Variants in YPEL1 observed in about 807,000 individuals in gnomAD.
YPEL1 encodes the protein yippee like 1.
In YPEL1, 7 loss-of-function variants were observed where a neutral mutation model predicts 17.3. The observed-to-expected ratio is 0.40, with a 90% confidence interval of 0.23 to 0.76. YPEL1 has a LOEUF of 0.76. Ranked by LOEUF, YPEL1 falls within the 30% of genes least tolerant of loss-of-function variation. The pLI is 0.35. For synonymous variants in YPEL1, 59 were observed against 59.6 expected, an observed-to-expected ratio of 0.99 and a Z score of 0.05; for missense variants, 91 against 155.5, an observed-to-expected ratio of 0.59 and a Z score of 2.21.
chr22:21,712,379 A>AAC (rs1555904122), intron 1 of YPEL1, among the ~76,000 whole-genome samples: 6 of 151,164 alleles, frequency 4.0e-5, no homozygotes, highest in African/African-American at 1.5e-4. Flanking sequence ...AAAAAAAAAA[A>AAC]AAAAAACAAC....
intron 1 of YPEL1, among the ~76,000 whole-genome samples, chr22:21,727,724 G>T (rs1163112550): frequency 6.6e-6 from 1 of 152,154 alleles, no homozygotes; most frequent in African/African-American, 2.4e-5. Flanking sequence ...TGCAGACTGG[G>T]GTGCCCCCTT....
chr22:21,722,738 C>G (rs1202230801), intron 1 of YPEL1, among the ~76,000 whole-genome samples: 1 of 152,128 alleles, frequency 6.6e-6, no homozygotes, highest in Non-Finnish European at 1.5e-5. Context: ...AGCCCCCACC[C>G]CACAGTCCGT....
chr22:21,724,564 AT>A (rs147417066), intron 1 of YPEL1, among the ~76,000 whole-genome samples: 20,779 of 124,674 alleles, frequency 0.17, 1,588 homozygotes, highest in Middle Eastern at 0.22. Flanking sequence ...TCATTAAAAA[AT>A]TTTTTTCTTT....
rs1601616892 is a variant in YPEL1 at position 21,697,678 on chromosome 22, TG to T, written c.*3450del. 6.5e-6 allele frequency: 1 copy of T among 152,706 alleles called. No homozygotes were observed. The highest frequency in any genetic ancestry group is 2.1e-4 in the South Asian group (1 of 4,830). The allele number at this position is 152,706 out of a possible 1,614,324, so 9.5% of individuals were successfully genotyped here. A position where few individuals can be genotyped will look rare whatever the true frequency, so the allele number is the denominator to read the frequency against. ...CCTGCTCCTTGCAGTGAAGCCACCATGGGTGACCGTCCAGCCTCACCCGGTG... is the reference window on the plus strand; with the variant it reads ...CCTGCTCCTTGCAGTGAAGCCACCATGGTGACCGTCCAGCCTCACCCGGTG... On this transcript the variant is annotated 3_prime_UTR_variant, in exon 5 of 5. Coordinates refer to ENST00000339468, the MANE Select transcript of YPEL1 (RefSeq NM_013313.5).
Position 21,703,319 on chromosome 22 carries a change from A to C in YPEL1, c.270+51T>G. The C allele has an allele frequency of 6.5e-7, 1 of 1,544,450 alleles. No homozygotes were observed. Among genetic ancestry groups the C allele is most frequent in the Non-Finnish European group, 8.9e-7 (1 of 1,120,676 alleles). On this transcript the variant is annotated intron_variant, in intron 4 of 4. Coordinates refer to ENST00000339468, the MANE Select transcript of YPEL1 (RefSeq NM_013313.5). The surrounding 1 kb of genome is among the most constrained non-coding windows in gnomAD (Gnocchi z 6.1). ...GCACGGGGAGGTGTGGCTCAGTGGC[A>C]ACTTAGTGCCACATCCCCTTGTGGC... is the stretch of plus-strand genomic sequence containing the variant.
chr22:21,705,922 G>T (rs1200870828), intron 2 of YPEL1, among the ~76,000 whole-genome samples: 1 of 152,056 alleles, frequency 6.6e-6, no homozygotes, highest in Admixed American at 6.6e-5. Flanking sequence ...CTGAGGTCAG[G>T]ATTTTAAGAC....
At chr22:21,711,128 ATTC>A (rs959763736) in intron 1 of YPEL1, among the ~76,000 whole-genome samples, 1 of 151,294 alleles carries the variant, frequency 6.6e-6, no homozygotes, top group Non-Finnish European at 1.5e-5. Context: ...GGTTCAAGCG[ATTC>A]TTCTACCTCA....
intron 1 of YPEL1, among the ~76,000 whole-genome samples, chr22:21,727,500 C>T (rs2068346569): frequency 6.6e-6 from 1 of 152,184 alleles, no homozygotes; most frequent in African/African-American, 2.4e-5. Context: ...TGCCATCCAT[C>T]CCCCCAAATA....
At chr22:21,724,308 G>C (rs994191951) in intron 1 of YPEL1, among the ~76,000 whole-genome samples, 3 of 152,152 alleles carry the variant, frequency 2.0e-5, no homozygotes, top group African/African-American at 7.2e-5. Flanking sequence ...GGAGGCCAAG[G>C]CAGGCAAATC....
In YPEL1 at chr22:21,703,373, T is replaced by G; in HGVS notation, c.267A>C (p.Lys89Asn). ...CENCKTTLGW[K>N]YEHAFESSQK... ...AGCATCCCCTTGTGGCACTCACGTA[T>G]TTCCACCCGAGCGTGGTCTTGCAGT... Residue 89 changes from lysine to asparagine, a missense_variant, in exon 4 of 5, where the codon AAA becomes AAC. Transcript: ENST00000339468. This position sits in a 1 kb window ranked among gnomAD's most constrained non-coding sequence, Gnocchi z 6.1. 6.2e-7 allele frequency: 1 copy of G among 1,613,346 alleles called. No individual in the cohort carries two copies. The highest frequency in any genetic ancestry group is 8.5e-7 in the Non-Finnish European group (1 of 1,179,884).
intron 1 of YPEL1, among the ~76,000 whole-genome samples, chr22:21,713,976 G>A (rs545543233): frequency 1.3e-5 from 2 of 152,214 alleles, no homozygotes; most frequent in East Asian, 1.9e-4. Context: ...TCGAGAGCAC[G>A]GGGCTGGGAA....
intron 1 of YPEL1, among the ~76,000 whole-genome samples, chr22:21,716,218 C>T (rs2068222383): frequency 6.6e-6 from 1 of 152,176 alleles, no homozygotes. Context: ...CTAAAAGTTA[C>T]ATTTTTAAAA....
chr22:21,703,793 T>C lies in YPEL1; in HGVS notation c.161+46A>G. On this transcript the variant is annotated intron_variant, in intron 3 of 4. Coordinates refer to ENST00000339468, the MANE Select transcript of YPEL1 (RefSeq NM_013313.5). The surrounding 1 kb of genome is among the most constrained non-coding windows in gnomAD (Gnocchi z 6.1). ...CACTGTGTAGGTGCCATCCAGGCCGTCCCAGGGCCCGTGCCGCTCCCCCCG... is the reference window on the plus strand; with the variant it reads ...CACTGTGTAGGTGCCATCCAGGCCGCCCCAGGGCCCGTGCCGCTCCCCCCG... The C allele has an allele frequency of 1.9e-6, 3 of 1,598,726 alleles. No individual in the cohort carries two copies. The highest frequency in any genetic ancestry group is 2.6e-6 in the Non-Finnish European group (3 of 1,172,354).
chr22:21,706,994 A>G (rs1258093142), intron 2 of YPEL1, among the ~76,000 whole-genome samples: 1 of 152,212 alleles, frequency 6.6e-6, no homozygotes, highest in Non-Finnish European at 1.5e-5. Context: ...TAAAGACAAC[A>G]GATGCCAAAC....
chr22:21,726,745 C>A (rs900200233), intron 1 of YPEL1, among the ~76,000 whole-genome samples: 1 of 152,136 alleles, frequency 6.6e-6, no homozygotes, highest in Non-Finnish European at 1.5e-5. Context: ...CCCCTTCCTG[C>A]ACCTGGGCTG....
At chr22:21,724,939 C>A (rs1046448059) in intron 1 of YPEL1, among the ~76,000 whole-genome samples, 17 of 150,048 alleles carry the variant, frequency 1.1e-4, no homozygotes, top group Non-Finnish European at 2.2e-4. Flanking sequence ...TGGACTTTCG[C>A]TCTTTCCGCC....
chr22:21,722,446 C>G (rs2068292607), intron 1 of YPEL1, among the ~76,000 whole-genome samples: 1 of 149,796 alleles, frequency 6.7e-6, no homozygotes, highest in Non-Finnish European at 1.5e-5. Flanking sequence ...AAACACCTGT[C>G]TCTACTAAAA....
chr22:21,718,142 AAC>A (rs1555904727), intron 1 of YPEL1, among the ~76,000 whole-genome samples: 18 of 146,288 alleles, frequency 1.2e-4, no homozygotes, highest in African/African-American at 4.6e-4. Context: ...AAAAAAAAAA[AAC>A]AAAAACAAAA....
At chr22:21,718,128 C>CAAAAAAAAAAAA (rs55677107) in intron 1 of YPEL1, among the ~76,000 whole-genome samples, 2 of 130,470 alleles carry the variant, frequency 1.5e-5, no homozygotes, top group African/African-American at 2.8e-5. Context: ...GACTCTGTCT[C>CAAAAAAAAAAAA]AAAAAAAAAA....
Sources: allele counts gnomAD v4.1 joint callset (sites outside exome capture counted in the v4.1 genomes callset), GRCh38; gene constraint gnomAD v4.1.1; non-coding constraint Gnocchi (gnomAD v3.1); transcripts MANE v1.5; gene names NCBI Gene and HGNC (gene_info 2026-07-23, HGNC 2026-07-21).